The following RIMS3 variants were observed in gnomAD, a reference collection of about 807,000 sequenced individuals.
RIMS3 encodes the protein regulating synaptic membrane exocytosis 3, also known as regulating synaptic membrane exocytosis protein 3.
In RIMS3, 15 loss-of-function variants were observed where a neutral mutation model predicts 29.2. That is an observed-to-expected ratio of 0.51 (90% CI 0.34 to 0.79). The LOEUF (loss-of-function observed/expected upper bound fraction) is 0.79. Among genes scored for constraint, RIMS3 ranks in the 30% least tolerant of loss-of-function variants. The probability of loss-of-function intolerance (pLI) is 0.01; values close to 1 mark genes in which losing one functional copy is unlikely to be tolerated. For synonymous variants in RIMS3, 161 were observed against 170.1 expected (o/e 0.95, Z 0.41); for missense variants, 342 against 421.4 (o/e 0.81, Z 1.65).
chr1:40,643,317 G>A (rs1441246334), intron 2 of RIMS3, among the ~76,000 whole-genome samples: 5 of 151,936 alleles, frequency 3.3e-5, no homozygotes, highest in African/African-American at 1.2e-4. Context: ...ATTTTTAGTA[G>A]AGATGGGGTT....
At chr1:40,675,877 A>G in the RIMS3 span, among the ~76,000 whole-genome samples, 981 of 151,962 alleles carry the variant, frequency 6.5e-3, 5 homozygotes, top group Non-Finnish European at 0.011. Context: ...GCAGTGAGTG[A>G]TGATCGTGGC....
intron 5 of RIMS3, among the ~76,000 whole-genome samples, chr1:40,631,114 C>T (rs1646486344): frequency 1.3e-5 from 2 of 152,070 alleles, no homozygotes; most frequent in African/African-American, 4.8e-5. Context: ...TGAGTGGGGA[C>T]GTGTGGGTCA....
At chr1:40,689,933 A>C in the RIMS3 span, among the ~76,000 whole-genome samples, 55 of 152,300 alleles carry the variant, frequency 3.6e-4, no homozygotes, top group South Asian at 8.3e-4. Flanking sequence ...CCTAGCACAG[A>C]CGTATACCTC....
At chr1:40,691,854 A>C in the RIMS3 span, 1 of 424,510 alleles carries the variant, frequency 2.4e-6, no homozygotes, top group East Asian at 8.6e-5. Context: ...CTCTTCCTGG[A>C]CTCCTGAGCA....
At chr1:40,632,418 TTA>T (rs56394507) in intron 5 of RIMS3, among the ~76,000 whole-genome samples, 6,606 of 86,038 alleles carry the variant, frequency 0.077, 156 homozygotes, top group East Asian at 0.091. Context: ...ACATATAAAT[TTA>T]TATATATATA....
chr1:40,679,890 ATTT>A, the RIMS3 span, among the ~76,000 whole-genome samples: 1 of 142,428 alleles, frequency 7.0e-6, no homozygotes. Context: ...GATGACTAGA[ATTT>A]TTTTTTTTTT....
chr1:40,640,040 G>T (rs1329126007), intron 3 of RIMS3, among the ~76,000 whole-genome samples: 2 of 152,158 alleles, frequency 1.3e-5, no homozygotes, highest in East Asian at 1.9e-4. Context: ...AGTGACTCAG[G>T]TCCCCATCCT....
chr1:40,673,747 G>T, the RIMS3 span, among the ~76,000 whole-genome samples: 1 of 152,180 alleles, frequency 6.6e-6, no homozygotes, highest in African/African-American at 2.4e-5. Context: ...AGGCCAAGAT[G>T]GTCCCCTGTG....
At position 40,654,479 on chromosome 1, in the gene RIMS3, T is replaced by C. The variant is rs1386557734; in HGVS notation, c.-206-6637A>G. The stretch of plus-strand genomic sequence containing the variant: ...CGAGATGCACGCTGTACAAAGAAGA[T>C]GACGTACACAAAACAACAGGCACAC... On this transcript the variant is annotated intron_variant, in intron 1 of 7. Transcript: ENST00000372684. The surrounding 1 kb of genome is among the most constrained non-coding windows in gnomAD (Gnocchi z 5.3). 1.3e-5 allele frequency among the ~76,000 whole-genome samples: 2 copies of C among 152,002 alleles called. No homozygotes were observed. Among genetic ancestry groups the C allele is most frequent in the Admixed American group, 1.3e-4 (2 of 15,272 alleles).
chr1:40,626,221 G>A lies in RIMS3; in HGVS notation c.*296C>T, dbSNP rs1570166935. The A allele has an allele frequency of 1.5e-5, 7 of 458,912 alleles. No individual in the cohort carries two copies. The highest frequency in any genetic ancestry group is 2.0e-5 in the Non-Finnish European group (5 of 246,966). 28.4% of individuals were successfully genotyped at this position (458,912 alleles called of 1,614,324 possible). A position where few individuals can be genotyped will look rare whatever the true frequency, so the allele number is the denominator to read the frequency against. On this transcript the variant is annotated 3_prime_UTR_variant, in exon 8 of 8. Coordinates refer to ENST00000372684, the MANE Select transcript of RIMS3 (RefSeq NM_014747.3). ...GTCATGTCCACACAACACTCCTTTGGGTTTCTTTTCAACAAGACACAAAGA... is the reference window on the plus strand; with the variant it reads ...GTCATGTCCACACAACACTCCTTTGAGTTTCTTTTCAACAAGACACAAAGA...
At chr1:40,682,458 G>C in the RIMS3 span, among the ~76,000 whole-genome samples, 3 of 152,088 alleles carry the variant, frequency 2.0e-5, no homozygotes, top group Admixed American at 6.5e-5. Context: ...ACTGACCATG[G>C]TTCTGATTTT....
At chr1:40,649,662 C>A (rs1646618296) in intron 1 of RIMS3, among the ~76,000 whole-genome samples, 1 of 152,228 alleles carries the variant, frequency 6.6e-6, no homozygotes, top group Admixed American at 6.5e-5. Flanking sequence ...CCCATCCTCG[C>A]CAGACCGGAC....
the RIMS3 span, chr1:40,691,801 C>G: frequency 4.5e-6 from 2 of 449,156 alleles, no homozygotes; most frequent in African/African-American, 4.0e-5. Flanking sequence ...GCGCCTGGGC[C>G]TCTGCATTGC....
chr1:40,662,436 C>T lies in RIMS3; in HGVS notation c.-207+2958G>A, dbSNP rs1375386861. ...CCAGAGCCCAAGTCCCTCCTTTCTACACACATGCCATGTGTAATTACCTGC... is the reference window on the plus strand; with the variant it reads ...CCAGAGCCCAAGTCCCTCCTTTCTATACACATGCCATGTGTAATTACCTGC... On this transcript the variant is annotated intron_variant, in intron 1 of 7. Transcript: ENST00000372684. Among the ~76,000 whole-genome samples, 11 of 152,042 alleles carry T rather than the reference C, an allele frequency of 7.2e-5. No homozygotes were observed. The South Asian group carries it at 1.2e-3, about 17-fold the overall frequency.
intron 1 of RIMS3, among the ~76,000 whole-genome samples, chr1:40,649,907 C>T (rs1646619698): frequency 6.6e-6 from 1 of 152,162 alleles, no homozygotes; most frequent in Non-Finnish European, 1.5e-5. Context: ...CCCAGAGAGG[C>T]TGGATACTGT....
At chr1:40,667,426 G>A (rs1194514516), upstream of RIMS3, among the ~76,000 whole-genome samples, 2 of 152,128 alleles carry the variant, frequency 1.3e-5, no homozygotes, top group Non-Finnish European at 2.9e-5. Context: ...GAGGAATCAG[G>A]CTTCCTGTGT....
upstream of RIMS3, among the ~76,000 whole-genome samples, chr1:40,667,271 T>C (rs1642438378): frequency 6.6e-6 from 1 of 152,302 alleles, no homozygotes; most frequent in Admixed American, 6.5e-5. Context: ...TATCAGCTAT[T>C]CTACCTCAGG....
chr1:40,623,484 G>A lies in RIMS3; in HGVS notation c.*3033C>T. On this transcript the variant is annotated 3_prime_UTR_variant, in exon 8 of 8. Transcript: ENST00000372684. The stretch of plus-strand genomic sequence containing the variant: ...TCACTGCAGGGCCACTCCTGTCTCT[G>A]CCATATGCACAGTGAACCTCGCCTG... The A allele has an allele frequency of 5.0e-6, 2 of 398,694 alleles. No homozygotes were observed. The highest frequency in any genetic ancestry group is 8.8e-6 in the Non-Finnish European group (2 of 226,118). The allele number at this position is 398,694 out of a possible 1,614,324, so 24.7% of individuals were successfully genotyped here.
the RIMS3 span, among the ~76,000 whole-genome samples, chr1:40,687,741 C>T: frequency 6.6e-6 from 1 of 151,922 alleles, no homozygotes; most frequent in Non-Finnish European, 1.5e-5. Context: ...CATGATTCTT[C>T]TTCCATTCCC....
Sources: gnomAD v4.1 joint callset for allele counts (sites outside exome capture counted in the v4.1 genomes callset) on GRCh38, gnomAD v4.1.1 for gene constraint, Gnocchi (gnomAD v3.1) non-coding constraint, MANE v1.5 for transcripts, NCBI Gene and HGNC (gene_info 2026-07-23, HGNC 2026-07-21) for gene names.